Variants in TLX3 observed in about 807,000 individuals in gnomAD.
TLX3 encodes T cell leukemia homeobox 3.
A neutral mutation model predicts 19.6 loss-of-function variants in TLX3; 11 were observed. The observed-to-expected ratio is 0.56, with a 90% CI of 0.35 to 0.93. The LOEUF is 0.93. Among genes scored for constraint, TLX3 ranks in the 40% least tolerant of loss-of-function variants. The pLI is 0.01. For synonymous variants in TLX3, 221 were observed against 188.1 expected (o/e 1.17, Z -1.43); for missense variants, 375 against 418.6 (o/e 0.90, Z 0.91).
Position 171,309,327 on chromosome 5 carries a change from T to TCCCCCCCCCCCCCCCC in TLX3, c.-35_-34insCCCCCCCCCCCCCCCC. On this transcript the variant is annotated 5_prime_UTR_variant, in exon 1 of 3. Transcript: ENST00000296921. ...GCGCCGTAACGGGGACCCAGCCGCC[T>TCCCCCCCCCCCCCCCC]CCCCGCCCAGCCCAGCCCAGCCCTT... 4.1e-6 allele frequency: 4 copies of TCCCCCCCCCCCCCCCC among 976,978 alleles called. No individual in the cohort carries two copies. The highest frequency in any genetic ancestry group is 6.0e-6 in the Non-Finnish European group (4 of 668,410). 60.5% of individuals were successfully genotyped at this position (976,978 alleles called of 1,614,324 possible).
At position 171,310,166 on chromosome 5, in the gene TLX3, G is replaced by A. The variant is rs1298948799; in HGVS notation, c.438G>A (p.Thr146=). 7 of 1,550,462 alleles carry A rather than the reference G, an allele frequency of 4.5e-6. No homozygotes were observed. Among genetic ancestry groups the A allele is most frequent in the Middle Eastern group, 1.7e-4 (1 of 5,760 alleles). ...TCTCCGCAGCGGCGGCCGCACTCACGCCCTTCACCGTGACCCGGCGCATCG... is the reference window on the plus strand; with the variant it reads ...TCTCCGCAGCGGCGGCCGCACTCACACCCTTCACCGTGACCCGGCGCATCG... ...KDRFTAAAAL[T]PFTVTRRIGH... The change falls in exon 2 of 3, where the codon ACG becomes ACA. Residue 146 remains threonine, a synonymous_variant. Transcript: ENST00000296921.
Position 171,311,363 on chromosome 5 carries a change from C to T in TLX3, c.666-26C>T. 6.5e-7 allele frequency: 1 copy of T among 1,545,944 alleles called. No homozygotes were observed. Among genetic ancestry groups the T allele is most frequent in the East Asian group, 2.4e-5 (1 of 40,826 alleles). ...CCGCGGTGCCGGGTGCATGACGGTA[C>T]TGTCCCTCTCCCTCCCCCGGTGCAG... On this transcript the variant is annotated intron_variant, in intron 2 of 2. Coordinates refer to ENST00000296921, the MANE Select transcript of TLX3 (RefSeq NM_021025.4). The surrounding 1 kb of genome is among the most constrained non-coding windows in gnomAD (Gnocchi z 5.1).
rs1769173481 is a variant in TLX3 at position 171,309,289 on chromosome 5, G to A, written c.-77G>A. 2.4e-6 allele frequency: 3 copies of A among 1,252,842 alleles called. No individual in the cohort carries two copies. The highest frequency in any genetic ancestry group is 3.2e-6 in the Non-Finnish European group (3 of 945,678). The allele number at this position is 1,252,842 out of a possible 1,614,324, so 77.6% of individuals were successfully genotyped here. ...GTTTCAGTGCGACGAGAGGCGCCGGGCGCTCCATGGCCGCGCCGTAACGGG... is the reference window on the plus strand; with the variant it reads ...GTTTCAGTGCGACGAGAGGCGCCGGACGCTCCATGGCCGCGCCGTAACGGG... On this transcript the variant is annotated 5_prime_UTR_variant, in exon 1 of 3. Coordinates refer to ENST00000296921, the MANE Select transcript of TLX3 (RefSeq NM_021025.4).
At position 171,309,658 on chromosome 5, in the gene TLX3, G is replaced by A; in HGVS notation, c.293G>A (p.Gly98Glu). The change falls in exon 1 of 3, where the codon GGG becomes GAG. Residue 98 changes from glycine to glutamate, a missense_variant. By Grantham distance (98) the Gly-to-Glu change is moderately conservative (BLOSUM62 -2). Around this residue, in one of 3 missense-constraint regions of TLX3, gnomAD observed 239 missense variants for 217.0 expected, o/e 1.10. Coordinates refer to ENST00000296921, the MANE Select transcript of TLX3 (RefSeq NM_021025.4). Reference sequence around the variant, plus strand: ...GTGCCGGCGCACAGGCCGCTGCCCGGGGCCGTGCCACCGCCTCTGCCAAGC... The same window carrying A: ...GTGCCGGCGCACAGGCCGCTGCCCGAGGCCGTGCCACCGCCTCTGCCAAGC... ...IRVPAHRPLP[G>E]AVPPPLPSAL... 1 of 1,608,520 alleles carries A rather than the reference G, an allele frequency of 6.2e-7. No homozygotes were observed. The highest frequency in any genetic ancestry group is 1.1e-5 in the South Asian group (1 of 90,424).
Position 171,311,306 on chromosome 5 carries a change from C to T in TLX3, c.666-83C>T, listed in dbSNP as rs569707516. 42 of 1,327,340 alleles carry T rather than the reference C, an allele frequency of 3.2e-5. No homozygotes were observed. In the East Asian group the frequency reaches 7.5e-4, roughly 24 times the overall value. The allele number at this position is 1,327,340 out of a possible 1,614,324, so 82.2% of individuals were successfully genotyped here. ...CCTCGAGGCTCCCGGATGGCCTCGG[C>T]TCCCGGGAGGGCCGGGGCCCCGCCG... On this transcript the variant is annotated intron_variant, in intron 2 of 2. Coordinates refer to ENST00000296921, the MANE Select transcript of TLX3 (RefSeq NM_021025.4). This position sits in a 1 kb window ranked among gnomAD's most constrained non-coding sequence, Gnocchi z 5.1.
Position 171,309,737 on chromosome 5 carries a change from T to G in TLX3, c.372T>G (p.Asn124Lys), listed in dbSNP as rs1249805787. Residue 124 changes from asparagine (N) to lysine (K), a missense_variant, in exon 1 of 3, where the codon AAT becomes AAG. By Grantham distance (94) the Asn-to-Lys change is moderately conservative (BLOSUM62 0). Around this residue, in one of 3 missense-constraint regions of TLX3, gnomAD observed 239 missense variants for 217.0 expected, o/e 1.10. Transcript: ENST00000296921. ...CGGTCTCCAGCCTTGGCGGTCTCAA[T>G]TTCCCCTGGATGGAGAGCAGCCGCC... is the stretch of plus-strand genomic sequence containing the variant. ...VPTVSSLGGL[N>K]FPWMESSRRF... The G allele has an allele frequency of 3.1e-6, 5 of 1,610,430 alleles. No homozygotes were observed. The highest frequency in any genetic ancestry group is 4.2e-6 in the Non-Finnish European group (5 of 1,178,930).
At chr5:171,310,592 A>C (rs1769203748) in intron 2 of TLX3, among the ~76,000 whole-genome samples, 199 bp downstream of exon 2, 1 of 137,324 alleles carries the variant, frequency 7.3e-6, no homozygotes, top group Non-Finnish European at 1.5e-5. Context: ...TTCTCTCTCC[A>C]TCGTGGTCTC....
At position 171,309,662 on chromosome 5, in the gene TLX3, C is replaced by T; in HGVS notation, c.297C>T (p.Ala99=). 1 of 1,608,144 alleles carries T rather than the reference C, an allele frequency of 6.2e-7. No individual in the cohort carries two copies. Among genetic ancestry groups the T allele is most frequent in the Non-Finnish European group, 8.5e-7 (1 of 1,178,228 alleles). The change falls in exon 1 of 3, where the codon GCC becomes GCT. Residue 99 remains alanine, a synonymous_variant. Coordinates refer to ENST00000296921, the MANE Select transcript of TLX3 (RefSeq NM_021025.4). ...CGGCGCACAGGCCGCTGCCCGGGGC[C>T]GTGCCACCGCCTCTGCCAAGCGCGC... The part of the protein sequence containing the change: ...RVPAHRPLPG[A]VPPPLPSALP...
In TLX3 at chr5:171,309,647, G is replaced by A. The variant is rs1431903925; in HGVS notation, c.282G>A (p.Arg94=). The change falls in exon 1 of 3, where the codon AGG becomes AGA. Residue 94 remains arginine (R), a synonymous_variant. Transcript: ENST00000296921. ...GCGTGATCCGGGTGCCGGCGCACAG[G>A]CCGCTGCCCGGGGCCGTGCCACCGC... is the stretch of plus-strand genomic sequence containing the variant. ...PAGVIRVPAH[R]PLPGAVPPPL... The A allele has an allele frequency of 6.2e-7, 1 of 1,607,998 alleles. No homozygotes were observed. The highest frequency in any genetic ancestry group is 1.1e-5 in the South Asian group (1 of 90,446).
rs1769184441 is a variant in TLX3 at position 171,309,620 on chromosome 5, A to C, written c.255A>C (p.Ala85=). 6.2e-7 allele frequency: 1 copy of C among 1,607,504 alleles called. No homozygotes were observed. The highest frequency in any genetic ancestry group is 1.1e-5 in the South Asian group (1 of 90,428). The change falls in exon 1 of 3, where the codon GCA becomes GCC. Residue 85 remains alanine, a synonymous_variant. Transcript: ENST00000296921. ...SYSVNLSLAP[A]GVIRVPAHRP... ...GTGTGAACCTGAGCCTAGCGCCCGC[A>C]GGCGTGATCCGGGTGCCGGCGCACA...
chr5:171,310,933 G>A (rs1196362190), intron 2 of TLX3, among the ~76,000 whole-genome samples: 1 of 151,974 alleles, frequency 6.6e-6, no homozygotes, highest in South Asian at 2.1e-4. Context: ...AAGCGATCGC[G>A]TCTGGAAAGG....
chr5:171,309,516 C>G lies in TLX3; in HGVS notation c.151C>G (p.Arg51Gly). ...CTACCTGGGAGGGCCCCCCGGGGGC[C>G]GTCCGGGCGCCACATACCCGTCTCT... ...ASYLGGPPGG[R>G]PGATYPSLPA... is the part of the protein sequence containing the mutation. The change falls in exon 1 of 3, where the codon CGT becomes GGT. Residue 51 changes from arginine (R) to glycine (G), a missense_variant. Around this residue, in one of 3 missense-constraint regions of TLX3, gnomAD observed 239 missense variants for 217.0 expected, o/e 1.10. Transcript: ENST00000296921. 5 of 1,564,304 alleles carry G rather than the reference C, an allele frequency of 3.2e-6. No homozygotes were observed. The highest frequency in any genetic ancestry group is 1.4e-5 in the African/African-American group (1 of 72,396).
chr5:171,310,419 C>T (rs1300505870), intron 2 of TLX3, 26 bp downstream of exon 2: 1 of 1,607,816 alleles, frequency 6.2e-7, no homozygotes, highest in South Asian at 1.1e-5. Flanking sequence ...CCCGGCCCAC[C>T]TTACACCTGC....
At position 171,311,940 on chromosome 5, in the gene TLX3, A is replaced by C; in HGVS notation, c.*341A>C. 1 of 211,632 alleles carries C rather than the reference A, an allele frequency of 4.7e-6. No homozygotes were observed. Among genetic ancestry groups the C allele is most frequent in the Non-Finnish European group, 9.5e-6 (1 of 104,810 alleles). The allele number at this position is 211,632 out of a possible 1,614,324, so 13.1% of individuals were successfully genotyped here. On this transcript the variant is annotated 3_prime_UTR_variant, in exon 3 of 3. Coordinates refer to ENST00000296921, the MANE Select transcript of TLX3 (RefSeq NM_021025.4). This position sits in a 1 kb window ranked among gnomAD's most constrained non-coding sequence, Gnocchi z 5.1. ...TTGCCCAAACGTGTAAATAATAAAA[A>C]AGTTTTGGCTTTTTTCTTTAGAAAC...
rs1369360412 is a variant in TLX3 at position 171,312,005 on chromosome 5, G to A, written c.*406G>A. The stretch of plus-strand genomic sequence containing the variant: ...CCCCGCGGGGGCCGCTGGAGGAAGG[G>A]CAGCCGACCCGGCCGCTGGGGGAAG... On this transcript the variant is annotated 3_prime_UTR_variant, in exon 3 of 3. Transcript: ENST00000296921. 2.1e-5 allele frequency: 4 copies of A among 193,972 alleles called. No homozygotes were observed. Among genetic ancestry groups the A allele is most frequent in the African/African-American group, 7.0e-5 (3 of 43,012 alleles). 12.0% of individuals were successfully genotyped at this position (193,972 alleles called of 1,614,324 possible). A position where few individuals can be genotyped will look rare whatever the true frequency, so the allele number is the denominator to read the frequency against.
chr5:171,309,375 C>T lies in TLX3; in HGVS notation c.10C>T (p.Pro4Ser), dbSNP rs776358169. 2 of 1,588,218 alleles carry T rather than the reference C, an allele frequency of 1.3e-6. No individual in the cohort carries two copies. The highest frequency in any genetic ancestry group is 1.7e-6 in the Non-Finnish European group (2 of 1,169,850). The change falls in exon 1 of 3, where the codon CCC becomes TCC. Residue 4 changes from proline (P) to serine (S), a missense_variant. By Grantham distance (74) the Pro-to-Ser change is moderately conservative. This residue lies in a region of TLX3 where 239 missense variants were observed against 217.0 expected (regional missense o/e 1.10). Coordinates refer to ENST00000296921, the MANE Select transcript of TLX3 (RefSeq NM_021025.4). ...CTTCCGCCCGCCCAGGATGGAGGCG[C>T]CCGCCAGCGCGCAGACCCCGCACCC... Reference protein sequence around the residue: MEAPASAQTPHPHE... With the variant: MEASASAQTPHPHE...
At position 171,311,730 on chromosome 5, in the gene TLX3, G is replaced by T. The variant is rs1769226581; in HGVS notation, c.*131G>T. 1 of 645,832 alleles carries T rather than the reference G, an allele frequency of 1.5e-6. No homozygotes were observed. Among genetic ancestry groups the T allele is most frequent in the Admixed American group, 4.0e-5 (1 of 24,750 alleles). The allele number at this position is 645,832 out of a possible 1,614,324, so 40.0% of individuals were successfully genotyped here. On this transcript the variant is annotated 3_prime_UTR_variant, in exon 3 of 3. Transcript: ENST00000296921. The surrounding 1 kb of genome is among the most constrained non-coding windows in gnomAD (Gnocchi z 5.1). ...CCGCCTAGCCCGAGTAGGCCCCAGG[G>T]CGCGGCCACAGACTGGCGGGCCGCG...
Position 171,311,360 on chromosome 5 carries a change from G to A in TLX3, c.666-29G>A, listed in dbSNP as rs977641090. ...GCCCCGCGGTGCCGGGTGCATGACGGTACTGTCCCTCTCCCTCCCCCGGTG... is the reference window on the plus strand; with the variant it reads ...GCCCCGCGGTGCCGGGTGCATGACGATACTGTCCCTCTCCCTCCCCCGGTG... On this transcript the variant is annotated intron_variant, in intron 2 of 2. Transcript: ENST00000296921. This position sits in a 1 kb window ranked among gnomAD's most constrained non-coding sequence, Gnocchi z 5.1. The A allele has an allele frequency of 3.2e-6, 5 of 1,545,382 alleles. No individual in the cohort carries two copies. The highest frequency in any genetic ancestry group is 2.7e-5 in the African/African-American group (2 of 72,776).
rs757349212 is a variant in TLX3 at position 171,310,157 on chromosome 5, C to T, written c.429C>T (p.Ala143=). The change falls in exon 2 of 3, where the codon GCC becomes GCT. Residue 143 remains alanine (A), a synonymous_variant. Transcript: ENST00000296921. Reference sequence around the variant, plus strand: ...CCTCCTGTGTCTCCGCAGCGGCGGCCGCACTCACGCCCTTCACCGTGACCC... The same window carrying T: ...CCTCCTGTGTCTCCGCAGCGGCGGCTGCACTCACGCCCTTCACCGTGACCC... ...RFVKDRFTAA[A]ALTPFTVTRR... is the part of the protein sequence containing the mutation. 8.4e-6 allele frequency: 13 copies of T among 1,549,836 alleles called. No homozygotes were observed. Among genetic ancestry groups the T allele is most frequent in the Non-Finnish European group, 1.1e-5 (13 of 1,146,856 alleles).
Sources: gnomAD v4.1 joint callset for allele counts (sites outside exome capture counted in the v4.1 genomes callset) on GRCh38, gnomAD v4.1.1 for gene constraint, gnomAD v4.1.1 regional missense constraint, Gnocchi (gnomAD v3.1) non-coding constraint, MANE v1.5 for transcripts, NCBI Gene and HGNC (gene_info 2026-07-23, HGNC 2026-07-21) for gene names.